PHACTR3: variants seen among roughly 807,000 people sequenced by gnomAD.
PHACTR3 encodes the protein phosphatase and actin regulator 3, also known as protein phosphatase 1, regulatory subunit 123.
A neutral mutation model predicts 66.8 loss-of-function variants in PHACTR3; 16 were observed. The observed-to-expected ratio is 0.24, with a 90% CI of 0.16 to 0.36. The LOEUF is 0.36. Among genes scored for constraint, PHACTR3 ranks in the 10% least tolerant of loss-of-function variants. The pLI is 1.00. For synonymous variants in PHACTR3, 323 were observed against 292.1 expected (o/e 1.11, Z -1.08); for missense variants, 647 against 719.9 (o/e 0.90, Z 1.16).
chr20:59,742,890 G>A (rs2146767308), intron 1 of PHACTR3, among the ~76,000 whole-genome samples: 1 of 152,334 alleles, frequency 6.6e-6, no homozygotes, highest in East Asian at 1.9e-4. Context: ...GTGGCCGTGA[G>A]TGGGTCGCAG....
intron 1 of PHACTR3, among the ~76,000 whole-genome samples, chr20:59,617,724 A>G (rs1234924247): frequency 1.3e-5 from 2 of 152,198 alleles, no homozygotes; most frequent in Non-Finnish European, 2.9e-5. Context: ...TCTGTCCACA[A>G]TTGAGAGTCT....
rs1322466515 is a variant in PHACTR3 at position 59,830,224 on chromosome 20, T to G, written c.1329-6281T>G. 2.0e-5 allele frequency among the ~76,000 whole-genome samples: 3 copies of G among 151,862 alleles called. No individual in the cohort carries two copies. The highest frequency in any genetic ancestry group is 7.3e-5 in the African/African-American group (3 of 41,314). ...TATGAGTGTCTGATAGAAGAGGGCG[T>G]GAGTGTCTGATGGAAGAGGGTATGA... is the stretch of plus-strand genomic sequence containing the variant. On this transcript the variant is annotated intron_variant, in intron 8 of 12. Coordinates refer to ENST00000371015, the MANE Select transcript of PHACTR3 (RefSeq NM_080672.5). This position sits in a 1 kb window ranked among gnomAD's most constrained non-coding sequence, Gnocchi z 5.8.
intron 1 of PHACTR3, among the ~76,000 whole-genome samples, chr20:59,692,789 A>T (rs915482768): frequency 2.0e-5 from 3 of 152,166 alleles, no homozygotes; most frequent in Non-Finnish European, 2.9e-5. Context: ...CAACTTACAA[A>T]TCTCCAAATC....
intron 7 of PHACTR3, among the ~76,000 whole-genome samples, chr20:59,784,186 G>A (rs566647113): frequency 3.9e-5 from 6 of 152,226 alleles, no homozygotes; most frequent in African/African-American, 9.6e-5. Flanking sequence ...TCAAGACTGC[G>A]GAATCCACTC....
chr20:59,683,775 G>T (rs1398122819), intron 1 of PHACTR3, among the ~76,000 whole-genome samples: 1 of 152,128 alleles, frequency 6.6e-6, no homozygotes, highest in Non-Finnish European at 1.5e-5. Flanking sequence ...AGGGAAATTG[G>T]CAAGAAATTA....
intron 1 of PHACTR3, among the ~76,000 whole-genome samples, chr20:59,678,842 A>G (rs531342448): frequency 1.2e-4 from 18 of 152,160 alleles, no homozygotes; most frequent in Non-Finnish European, 2.2e-4. Flanking sequence ...CTGCCGGACC[A>G]GAAGGCAGCA....
intron 2 of PHACTR3, among the ~76,000 whole-genome samples, chr20:59,745,154 A>G (rs564395648): frequency 6.6e-6 from 1 of 152,328 alleles, no homozygotes; most frequent in South Asian, 2.1e-4. Flanking sequence ...TAATTGGTTC[A>G]TTGAGAAAGG....
chr20:59,692,255 C>T (rs549144219), intron 1 of PHACTR3, among the ~76,000 whole-genome samples: 18 of 152,326 alleles, frequency 1.2e-4, no homozygotes, highest in African/African-American at 3.6e-4. Flanking sequence ...CAAGCCTGTA[C>T]CCAACGGGGC....
At chr20:59,761,819 C>T (rs1046179604) in intron 4 of PHACTR3, among the ~76,000 whole-genome samples, 3 of 152,140 alleles carry the variant, frequency 2.0e-5, no homozygotes, top group African/African-American at 7.2e-5. Flanking sequence ...CTGACCCCTG[C>T]ATTGGGGTTT....
chr20:59,590,407 G>A (rs961819523), intron 1 of PHACTR3, among the ~76,000 whole-genome samples: 14 of 152,160 alleles, frequency 9.2e-5, no homozygotes, highest in Non-Finnish European at 1.9e-4. Flanking sequence ...TTCTATTTGG[G>A]CAGATGCAGC....
At chr20:59,656,256 C>T (rs944248631) in intron 1 of PHACTR3, among the ~76,000 whole-genome samples, 10 of 151,774 alleles carry the variant, frequency 6.6e-5, no homozygotes, top group South Asian at 2.1e-4. Context: ...TTGAAGTCTC[C>T]GATTTTTATT....
At chr20:59,608,019 T>C (rs1291352173) in intron 1 of PHACTR3, among the ~76,000 whole-genome samples, 3 of 152,198 alleles carry the variant, frequency 2.0e-5, no homozygotes, top group Non-Finnish European at 4.4e-5. Context: ...ATTTTAATGA[T>C]ATTGCACTCT....
chr20:59,799,956 C>A (rs2041365181), intron 7 of PHACTR3, among the ~76,000 whole-genome samples: 1 of 151,880 alleles, frequency 6.6e-6, no homozygotes, highest in Non-Finnish European at 1.5e-5. Flanking sequence ...AGCTATATAC[C>A]TCTTTGACTA....
At chr20:59,763,880 G>A (rs1226530347) in intron 4 of PHACTR3, among the ~76,000 whole-genome samples, 2 of 152,182 alleles carry the variant, frequency 1.3e-5, no homozygotes, top group Non-Finnish European at 2.9e-5. Flanking sequence ...TGAGTGGGGT[G>A]GCCCTGGCTC....
At chr20:59,798,655 T>C (rs1001185262) in intron 7 of PHACTR3, among the ~76,000 whole-genome samples, 1 of 152,164 alleles carries the variant, frequency 6.6e-6, no homozygotes, top group African/African-American at 2.4e-5. Flanking sequence ...AGTGATTCAC[T>C]ATATTTTTTA....
At chr20:59,727,340 C>T (rs6027060) in intron 1 of PHACTR3, among the ~76,000 whole-genome samples, 100,232 of 151,792 alleles carry the variant, frequency 0.66, 33,507 homozygotes, top group East Asian at 0.77. Flanking sequence ...TCCATTTGTC[C>T]GCTGATGGAC....
Position 59,822,629 on chromosome 20 carries a change from A to G in PHACTR3, c.1329-13876A>G, listed in dbSNP as rs1394081017. ...GTCCGGTGGAAATGGTGTGGTCTGC[A>G]GATGAGGTGCGCCTGTCTTTTCTTA... On this transcript the variant is annotated intron_variant, in intron 8 of 12. Transcript: ENST00000371015. Among the ~76,000 whole-genome samples the G allele has an allele frequency of 2.0e-5, 3 of 152,126 alleles. No homozygotes were observed. In the East Asian group the frequency reaches 5.9e-4, roughly 30 times the overall value.
upstream of PHACTR3, among the ~76,000 whole-genome samples, chr20:59,603,133 C>T (rs2033528835): frequency 6.6e-6 from 1 of 152,218 alleles, no homozygotes; most frequent in African/African-American, 2.4e-5. Flanking sequence ...TAGCAGTTTC[C>T]CACCAGTTTC....
At chr20:59,704,857 C>T (rs2037642170) in intron 1 of PHACTR3, among the ~76,000 whole-genome samples, 1 of 151,590 alleles carries the variant, frequency 6.6e-6, no homozygotes, top group African/African-American at 2.4e-5. Flanking sequence ...ATGAGAATTA[C>T]ATAAAAGTTA....
Sources: allele counts gnomAD v4.1 joint callset (sites outside exome capture counted in the v4.1 genomes callset), GRCh38; gene constraint gnomAD v4.1.1; non-coding constraint Gnocchi (gnomAD v3.1); transcripts MANE v1.5; gene names NCBI Gene and HGNC (gene_info 2026-07-23, HGNC 2026-07-21).